ZFYVE26: variants seen among roughly 807,000 people sequenced by gnomAD.
ZFYVE26 encodes zinc finger FYVE domain-containing protein 26.
ZFYVE26 carries 181 observed loss-of-function variants against 276.5 expected under a neutral mutation model. The ratio of observed to expected loss-of-function variants is 0.65; its 90% CI spans 0.58 to 0.74. The LOEUF (loss-of-function observed/expected upper bound fraction) is 0.74. ZFYVE26 is among the 30% of genes least tolerant of loss of function. The pLI, the probability that ZFYVE26 is intolerant of heterozygous loss-of-function variation, is 0.00. For synonymous variants in ZFYVE26, 1,129 were observed against 1,203.1 expected, an observed-to-expected ratio of 0.94 and a Z score of 1.27; for missense variants, 2,821 against 3,097.9, an observed-to-expected ratio of 0.91 and a Z score of 2.12.
At position 67,815,876 on chromosome 14, in the gene ZFYVE26, C is replaced by G. The variant is rs922838196; in HGVS notation, c.88G>C (p.Glu30Gln). 6 of 1,614,172 alleles carry G rather than the reference C, an allele frequency of 3.7e-6. No homozygotes were observed. The highest frequency in any genetic ancestry group is 1.7e-4 in the Middle Eastern group (1 of 6,014). Residue 30 changes from glutamate to glutamine, a missense_variant, in exon 2 of 42, where the codon GAG becomes CAG. Physicochemically the swap from Glu to Gln is conservative, Grantham distance 29 (BLOSUM62 2). Transcript: ENST00000347230. ...FCECLRRGEW[E>Q]LAQACVPQLQ... ...TGAGGTACACATGCCTGTGCCAGCT[C>G]CCATTCTCCCCTCCGCAGGCATTCG... is the stretch of plus-strand genomic sequence containing the variant.
Position 67,777,583 on chromosome 14 carries a change from G to A in ZFYVE26, c.4950C>T (p.Ile1650=), listed in dbSNP as rs1263580019. 6.2e-7 allele frequency: 1 copy of A among 1,614,130 alleles called. No homozygotes were observed. The highest frequency in any genetic ancestry group is 2.2e-5 in the East Asian group (1 of 44,876). Residue 1650 remains isoleucine (I), a synonymous_variant, in exon 25 of 42, where the codon ATC becomes ATT. Coordinates refer to ENST00000347230, the MANE Select transcript of ZFYVE26 (RefSeq NM_015346.4). The stretch of plus-strand genomic sequence containing the variant: ...CCTTGGATCCCACATACAGCGCCTG[G>A]ATTTCACGGTGTCGGACAGCAGTCA... ...GQLTAVRHRE[I]QALYVGSKIL...
At chr14:67,774,914 G>A (rs2039299577) in intron 27 of ZFYVE26, 102 bp downstream of exon 27, 2 of 682,514 alleles carry the variant, frequency 2.9e-6, no homozygotes, top group African/African-American at 2.2e-5. Flanking sequence ...GTTGTAACTG[G>A]CAATGAAAAA....
chr14:67,736,706 C>T (rs1025656342), intron 13 of ZFYVE26, among the ~76,000 whole-genome samples: 3 of 152,120 alleles, frequency 2.0e-5, no homozygotes, highest in African/African-American at 4.8e-5. Flanking sequence ...AATTGTTTTA[C>T]GTTATGTATT....
At chr14:67,750,179 A>T (rs2038598973) in intron 41 of ZFYVE26, among the ~76,000 whole-genome samples, 1 of 152,170 alleles carries the variant, frequency 6.6e-6, no homozygotes, top group Non-Finnish European at 1.5e-5. Context: ...ACATTTCAGG[A>T]TGTCAGAATT....
intron 12 of ZFYVE26, among the ~76,000 whole-genome samples, chr14:67,794,566 A>C (rs1444426794): frequency 6.6e-6 from 1 of 152,224 alleles, no homozygotes; most frequent in East Asian, 1.9e-4. Flanking sequence ...GTATTCTGAA[A>C]AAATAAAAGC....
rs780502528 is a variant in ZFYVE26, at chr14:67,782,976, A to G, written c.4176T>C (p.Cys1392=). The G allele has an allele frequency of 6.2e-7, 1 of 1,614,224 alleles. No homozygotes were observed. Among genetic ancestry groups the G allele is most frequent in the South Asian group, 1.1e-5 (1 of 91,092 alleles). Residue 1392 remains cysteine, a synonymous_variant, in exon 21 of 42, where the codon TGT becomes TGC. Transcript: ENST00000347230. ...GAACGGTAGAAAGACTGGCCCAACC[A>G]CAGAGATTCACTGCCAGACTCTGCC... ...QQGQSLAVNL[C]GWASLSTVLL... is the part of the protein sequence containing the mutation.
At chr14:67,728,908 TATTAG>T (rs749243777) in intron 14 of ZFYVE26, among the ~76,000 whole-genome samples, 2 of 152,232 alleles carry the variant, frequency 1.3e-5, no homozygotes, top group African/African-American at 2.4e-5. Context: ...TTGTCATGTT[TATTAG>T]TAGTACTAAA....
chr14:67,752,284 A>G (rs2038667563), intron 40 of ZFYVE26, 60 bp downstream of exon 40: 1 of 1,544,374 alleles, frequency 6.5e-7, no homozygotes, highest in East Asian at 2.4e-5. Context: ...AACAATAAAG[A>G]TGGGGATGTG....
At chr14:67,748,664 C>A (rs201729037) in intron 41 of ZFYVE26, 25 bp from the exon 42 acceptor site, 2 of 1,612,154 alleles carry the variant, frequency 1.2e-6, no homozygotes, top group Non-Finnish European at 1.7e-6. Flanking sequence ...TAAGAGACAG[C>A]GGAAAGGCAT....
Position 67,815,930 on chromosome 14 carries a change from A to G in ZFYVE26, c.34T>C (p.Ser12Pro). ...NHPFGKEEAA[S>P]QKQLFGFFCE... ...AAAAATCCAAAAAGCTGCTTCTGCG[A>G]AGCAGCTTCCTCTTTTCCAAATGGA... Residue 12 changes from serine (S) to proline (P), a missense_variant, in exon 2 of 42, where the codon TCG (serine) becomes CCG (proline). Coordinates refer to ENST00000347230, the MANE Select transcript of ZFYVE26 (RefSeq NM_015346.4). The G allele has an allele frequency of 6.2e-7, 1 of 1,613,248 alleles. No individual in the cohort carries two copies. Among genetic ancestry groups the G allele is most frequent in the Non-Finnish European group, 8.5e-7 (1 of 1,179,778 alleles).
chr14:67,813,821 G>A (rs189525314), intron 3 of ZFYVE26, among the ~76,000 whole-genome samples, 165 bp downstream of exon 3: 2 of 152,316 alleles, frequency 1.3e-5, no homozygotes, highest in Non-Finnish European at 1.5e-5. Context: ...ATTAATGAAT[G>A]AATTTAGGTA....
rs752373172 is a variant in ZFYVE26 at position 67,778,243 on chromosome 14, A to G, written c.4680T>C (p.Tyr1560=). ...VMNMILEAQE[Y]ELCEEWGCLY... The stretch of plus-strand genomic sequence containing the variant: ...GGCAGCCCCACTCTTCACACAGTTC[A>G]TACTCCTGGAAGGAAACACACATGC... The change falls in exon 24 of 42, where the codon TAT becomes TAC. Residue 1560 remains tyrosine (Y), a synonymous_variant. Coordinates refer to ENST00000347230, the MANE Select transcript of ZFYVE26 (RefSeq NM_015346.4). The G allele has an allele frequency of 3.1e-6, 5 of 1,614,166 alleles. No homozygotes were observed. The South Asian group carries it at 4.4e-5, about 14-fold the overall frequency.
chr14:67,733,915 G>C, intron 13 of ZFYVE26: 2 of 1,203,154 alleles, frequency 1.7e-6, no homozygotes, highest in Non-Finnish European at 1.2e-6. Flanking sequence ...CAAGGAGAAG[G>C]CCAACCCTAA....
chr14:67,736,427 G>C (rs113712437), intron 13 of ZFYVE26, among the ~76,000 whole-genome samples: 1,725 of 152,238 alleles, frequency 0.011, 15 homozygotes, highest in Non-Finnish European at 0.016. Flanking sequence ...TGTCATAAGT[G>C]GTGCTGGACA....
At chr14:67,733,183 C>G (rs1468889270) in intron 13 of ZFYVE26, among the ~76,000 whole-genome samples, 2 of 152,120 alleles carry the variant, frequency 1.3e-5, no homozygotes, top group Non-Finnish European at 2.9e-5. Context: ...CTCCCACCCC[C>G]TATCCCTCTA....
chr14:67,734,640 G>T (rs2038329710), intron 13 of ZFYVE26, among the ~76,000 whole-genome samples: 1 of 152,210 alleles, frequency 6.6e-6, no homozygotes, highest in Non-Finnish European at 1.5e-5. Context: ...AGAGTGTGTA[G>T]CTGCTGGGAG....
chr14:67,737,528 T>G (rs1047866656), intron 13 of ZFYVE26, among the ~76,000 whole-genome samples: 1 of 152,118 alleles, frequency 6.6e-6, no homozygotes, highest in African/African-American at 2.4e-5. Context: ...CCCTCATGAT[T>G]CAGTCAACTC....
chr14:67,733,971 T>G, intron 13 of ZFYVE26: 3 of 693,244 alleles, frequency 4.3e-6, no homozygotes, highest in Non-Finnish European at 7.8e-6. Flanking sequence ...CTGCCTGCTC[T>G]GATCCTCTTG....
chr14:67,753,600 G>T, intron 39 of ZFYVE26, 107 bp downstream of exon 39: 2 of 1,242,936 alleles, frequency 1.6e-6, no homozygotes, highest in Non-Finnish European at 2.3e-6. Context: ...TAATGTGCAT[G>T]TAAATCCACT....
Sources: allele counts gnomAD v4.1 joint callset (sites outside exome capture counted in the v4.1 genomes callset), GRCh38; gene constraint gnomAD v4.1.1; transcripts MANE v1.5; gene names NCBI Gene and HGNC (gene_info 2026-07-23, HGNC 2026-07-21).